SPNS2: variants seen among roughly 807,000 people sequenced by gnomAD.
SPNS2 encodes sphingosine-1-phosphate transporter SPNS2.
In SPNS2, 37 loss-of-function variants were observed where a neutral mutation model predicts 57.6. That is an observed-to-expected ratio of 0.64 (90% confidence interval 0.49 to 0.85). The LOEUF (loss-of-function observed/expected upper bound fraction) is 0.85. Among genes scored for constraint, SPNS2 ranks in the 40% least tolerant of loss-of-function variants. SPNS2 has a pLI of 0.00. For synonymous variants in SPNS2, 440 were observed against 346.9 expected (o/e 1.27, Z -2.98); for missense variants, 831 against 779.1 (o/e 1.07, Z -0.79).
chr17:4,519,303 G>T (rs553912730), intron 2 of SPNS2, among the ~76,000 whole-genome samples: 22 of 152,318 alleles, frequency 1.4e-4, no homozygotes, highest in African/African-American at 5.1e-4. Context: ...GCTTTCTGGG[G>T]TCATACAGGC....
rs1266336183 is a variant in SPNS2, at chr17:4,532,679, T to C, written c.930T>C (p.Ile310=). 21 of 1,613,428 alleles carry C rather than the reference T, an allele frequency of 1.3e-5. No homozygotes were observed. Among genetic ancestry groups the C allele is most frequent in the Admixed American group, 1.7e-5 (1 of 59,974 alleles). Residue 310 remains isoleucine (I), a synonymous_variant, in exon 6 of 13, where the codon ATT becomes ATC. Coordinates refer to ENST00000329078, the MANE Select transcript of SPNS2 (RefSeq NM_001124758.3). The stretch of plus-strand genomic sequence containing the variant: ...GGCTCCGAGATATGAAGGCCCTGAT[T>C]CGAAAGTGAGTACCGCGGGAAGGGG... ...TSWLRDMKAL[I]RNRSYVFSSL...
chr17:4,527,984 A>G (rs1905305672), intron 3 of SPNS2, among the ~76,000 whole-genome samples: 1 of 150,578 alleles, frequency 6.6e-6, no homozygotes, highest in South Asian at 2.1e-4. Context: ...CTAAATGACC[A>G]TCACTGGGTG....
At chr17:4,513,355 G>A (rs763975460) in intron 2 of SPNS2, 43 bp downstream of exon 2, 2 of 1,605,842 alleles carry the variant, frequency 1.2e-6, no homozygotes, top group Admixed American at 1.7e-5. Context: ...CCAGGCGTTG[G>A]CGTCGTGGGT....
chr17:4,533,534 T>A (rs1905601967), intron 8 of SPNS2, 102 bp downstream of exon 8: 1 of 1,270,358 alleles, frequency 7.9e-7, no homozygotes, highest in Non-Finnish European at 1.1e-6. Flanking sequence ...TTCCCTTCCC[T>A]CGGGGAGGCT....
chr17:4,513,111 G>C, intron 1 of SPNS2, 136 bp from the exon 2 acceptor site: 1 of 916,962 alleles, frequency 1.1e-6, no homozygotes, highest in African/African-American at 1.6e-5. Flanking sequence ...CCTGGGCAGG[G>C]TAGAGGTCGC....
intron 3 of SPNS2, among the ~76,000 whole-genome samples, chr17:4,526,700 A>G (rs1398769130): frequency 6.6e-6 from 1 of 152,158 alleles, no homozygotes; most frequent in Non-Finnish European, 1.5e-5. Context: ...ATGCCAGGCT[A>G]GAGGGCCTGG....
chr17:4,534,731 G>A (rs1209194015), intron 9 of SPNS2, among the ~76,000 whole-genome samples: 1 of 152,086 alleles, frequency 6.6e-6, no homozygotes, highest in Non-Finnish European at 1.5e-5. Context: ...TGGTGGTGGG[G>A]AGGCCTGGCG....
At chr17:4,514,044 C>T (rs1329109278) in intron 2 of SPNS2, among the ~76,000 whole-genome samples, 1 of 152,366 alleles carries the variant, frequency 6.6e-6, no homozygotes, top group East Asian at 1.9e-4. Context: ...CTGCCTTCCC[C>T]ATGACATGGC....
In SPNS2 at chr17:4,537,556, C is replaced by T. The variant is rs951898677; in HGVS notation, c.*108C>T. ...GCCCCAAAGCTTTCTGTGTGATCCA[C>T]GGCTAGGCACCCACCCTCTCTGGCC... is the stretch of plus-strand genomic sequence containing the variant. On this transcript the variant is annotated 3_prime_UTR_variant, in exon 13 of 13. Transcript: ENST00000329078. 21 of 456,676 alleles carry T rather than the reference C, an allele frequency of 4.6e-5. No homozygotes were observed. Among genetic ancestry groups the T allele is most frequent in the Admixed American group, 1.4e-4 (6 of 42,572 alleles). 28.3% of individuals were successfully genotyped at this position (456,676 alleles called of 1,614,324 possible).
intron 3 of SPNS2, among the ~76,000 whole-genome samples, chr17:4,529,225 C>A (rs1184647907): frequency 6.6e-6 from 1 of 151,758 alleles, no homozygotes; most frequent in Non-Finnish European, 1.5e-5. Flanking sequence ...TGAGCCACTG[C>A]GCCTGGCCCG....
At chr17:4,536,053 T>C (rs1905770826) in intron 9 of SPNS2, 23 bp from the exon 10 acceptor site, 1 of 1,603,218 alleles carries the variant, frequency 6.2e-7, no homozygotes, top group South Asian at 1.1e-5. Context: ...CTCTGGCCGC[T>C]GACCTGCCCG....
At chr17:4,500,660 C>T (rs976287789) in intron 1 of SPNS2, among the ~76,000 whole-genome samples, 3 of 152,140 alleles carry the variant, frequency 2.0e-5, no homozygotes, top group Admixed American at 6.5e-5. Flanking sequence ...GAGAACTTTG[C>T]GGCAATTGAG....
chr17:4,529,125 G>A (rs904627272), intron 3 of SPNS2, among the ~76,000 whole-genome samples: 4 of 151,616 alleles, frequency 2.6e-5, no homozygotes, highest in Non-Finnish European at 5.9e-5. Context: ...TAGTAGAGAT[G>A]GGGCTTCACC....
At chr17:4,536,861 C>T (rs780061605) in intron 11 of SPNS2, 39 bp from the exon 12 acceptor site, 5 of 1,596,676 alleles carry the variant, frequency 3.1e-6, no homozygotes, top group South Asian at 2.2e-5. Context: ...CCGGCCCCCG[C>T]TGATGCACCA....
intron 9 of SPNS2, among the ~76,000 whole-genome samples, chr17:4,535,098 C>T (rs960414894): frequency 2.6e-5 from 4 of 151,914 alleles, no homozygotes; most frequent in South Asian, 4.1e-4. Context: ...TCCAAAGAGG[C>T]GAGGCAGCTG....
intron 1 of SPNS2, among the ~76,000 whole-genome samples, chr17:4,507,694 G>A (rs1190952732): frequency 6.6e-6 from 1 of 152,242 alleles, no homozygotes; most frequent in Non-Finnish European, 1.5e-5. Flanking sequence ...GCCACCTGCT[G>A]CTCTGAGACA....
At chr17:4,517,289 T>C (rs1334972544) in intron 2 of SPNS2, among the ~76,000 whole-genome samples, 1 of 152,064 alleles carries the variant, frequency 6.6e-6, no homozygotes, top group East Asian at 1.9e-4. Flanking sequence ...AAACCATTCC[T>C]TAGGGAATTC....
rs1597368501 is a variant in SPNS2 at position 4,530,719 on chromosome 17, C to T, written c.661C>T (p.Leu221Phe). Residue 221 changes from leucine (L) to phenylalanine (F), a missense_variant, in exon 4 of 13, where the codon CTC becomes TTC. Physicochemically the swap from Leu to Phe is conservative, Grantham distance 22 (BLOSUM62 0). This residue lies in a region of SPNS2 where 305 missense variants were observed against 378.3 expected (regional missense o/e 0.81). Transcript: ENST00000329078. The stretch of plus-strand genomic sequence containing the variant: ...CATCGCCCCCACTATCATTGGCGAC[C>T]TCTTCACCAAGAACACGCGTACGCT... ...STIAPTIIGDLFTKNTRTLML... is the reference protein window; with the variant it reads ...STIAPTIIGDFFTKNTRTLML... 1.2e-6 allele frequency: 2 copies of T among 1,614,102 alleles called. No individual in the cohort carries two copies. Among genetic ancestry groups the T allele is most frequent in the Non-Finnish European group, 8.5e-7 (1 of 1,179,976 alleles).
intron 9 of SPNS2, among the ~76,000 whole-genome samples, chr17:4,534,630 C>T (rs35082251): frequency 0.23 from 35,487 of 152,128 alleles, 4,538 homozygotes; most frequent in East Asian, 0.42. Context: ...CCCTGCACTT[C>T]GGGAAGCCTG....
Sources: allele counts gnomAD v4.1 joint callset (sites outside exome capture counted in the v4.1 genomes callset), GRCh38; gene constraint gnomAD v4.1.1; regional missense constraint gnomAD v4.1.1; transcripts MANE v1.5; gene names NCBI Gene and HGNC (gene_info 2026-07-23, HGNC 2026-07-21).